The following TMEFF2 variants were observed in gnomAD, a reference collection of about 807,000 sequenced individuals.
The protein encoded by TMEFF2 is transmembrane protein with EGF like and two follistatin like domains 2.
A neutral mutation model predicts 53.8 loss-of-function variants in TMEFF2; 28 were observed. The observed-to-expected ratio is 0.52, with a 90% CI of 0.39 to 0.71. The LOEUF (loss-of-function observed/expected upper bound fraction) is 0.71, where lower values mean the gene tolerates loss of function less well. Ranked by LOEUF, TMEFF2 falls within the 30% of genes least tolerant of loss-of-function variation. The pLI is 0.00. For missense variants in TMEFF2, 353 were observed against 455.2 expected (o/e 0.78, Z 2.04); for synonymous variants, 162 against 166.3 (o/e 0.97, Z 0.20).
At chr2:191,952,596 T>G (rs1418784364) in intron 9 of TMEFF2, among the ~76,000 whole-genome samples, 1 of 152,164 alleles carries the variant, frequency 6.6e-6, no homozygotes, top group Non-Finnish European at 1.5e-5. Flanking sequence ...TCAACTCGGC[T>G]TAGAGCAGCC....
chr2:191,986,861 A>C (rs1685989434), intron 7 of TMEFF2, among the ~76,000 whole-genome samples: 1 of 147,966 alleles, frequency 6.8e-6, no homozygotes, highest in Non-Finnish European at 1.5e-5. Context: ...CCGTCTCAGA[A>C]AAAAAAAAAA....
intron 5 of TMEFF2, among the ~76,000 whole-genome samples, chr2:191,999,631 G>C (rs1247345062): frequency 6.6e-6 from 1 of 151,990 alleles, no homozygotes; most frequent in African/African-American, 2.4e-5. Flanking sequence ...AACTGACTCA[G>C]AGGACAGTTC....
intron 4 of TMEFF2, among the ~76,000 whole-genome samples, chr2:192,168,033 A>T (rs1690813765): frequency 6.6e-6 from 1 of 152,110 alleles, no homozygotes; most frequent in Admixed American, 6.6e-5. Flanking sequence ...CTTTACTTTC[A>T]GTCTGCTGAC....
chr2:192,070,598 T>A (rs1688272672), intron 4 of TMEFF2, among the ~76,000 whole-genome samples: 1 of 151,924 alleles, frequency 6.6e-6, no homozygotes, highest in African/African-American at 2.4e-5. Context: ...CCTCTTGGCA[T>A]GTTTCTTATG....
In TMEFF2 at chr2:192,006,060, C is replaced by CTTTTT. The variant is rs56336479; in HGVS notation, c.537-6857_537-6853dup. On this transcript the variant is annotated intron_variant, in intron 5 of 9. Transcript: ENST00000272771. ...ATGTCATTACTCAGGTCTCAGGTGA[C>CTTTTT]TTTTTTTTTTTTTTTTAACTTATAG... Among the ~76,000 whole-genome samples, 33 of 140,056 alleles carry CTTTTT rather than the reference C, an allele frequency of 2.4e-4. 2 individuals are homozygous for CTTTTT. The South Asian group carries it at 6.6e-3, about 28-fold the overall frequency. The allele number at this position is 140,056 out of a possible 152,430, so 91.9% of individuals were successfully genotyped here.
At chr2:192,000,209 A>T (rs1353856459) in intron 5 of TMEFF2, among the ~76,000 whole-genome samples, 1 of 152,058 alleles carries the variant, frequency 6.6e-6, no homozygotes, top group Non-Finnish European at 1.5e-5. Flanking sequence ...ATTAATATTT[A>T]TGTTGTTTTT....
At chr2:191,996,682 A>G (rs960082081) in intron 7 of TMEFF2, among the ~76,000 whole-genome samples, 3 of 152,080 alleles carry the variant, frequency 2.0e-5, no homozygotes, top group South Asian at 4.1e-4. Flanking sequence ...GCTGTGTACT[A>G]TAAGGAACTA....
At chr2:192,002,830 AAAAAC>A (rs554435358) in intron 5 of TMEFF2, among the ~76,000 whole-genome samples, 7 of 152,292 alleles carry the variant, frequency 4.6e-5, no homozygotes, top group African/African-American at 1.2e-4. Context: ...ACTCTGTTTC[AAAAAC>A]AAAACAAAAC....
At chr2:192,110,736 T>C (rs989353983) in intron 4 of TMEFF2, among the ~76,000 whole-genome samples, 3 of 152,182 alleles carry the variant, frequency 2.0e-5, no homozygotes, top group Non-Finnish European at 2.9e-5. Context: ...GTTTGTTATT[T>C]TGCATTTACA....
intron 4 of TMEFF2, among the ~76,000 whole-genome samples, chr2:192,082,032 C>T (rs922143482): frequency 3.3e-5 from 5 of 152,026 alleles, no homozygotes; most frequent in African/African-American, 1.2e-4. Context: ...GATCTCCTGA[C>T]CTCATGATCC....
rs528149916 is a variant in TMEFF2 at position 192,107,196 on chromosome 2, T to C, written c.440-49421A>G. 9.9e-5 allele frequency among the ~76,000 whole-genome samples: 15 copies of C among 151,954 alleles called. No homozygotes were observed. In the South Asian group the frequency reaches 2.7e-3, roughly 27 times the overall value. ...CTTTTTCAGTTAGAGAATTACATTA[T>C]GATAAAGCATGAATAATATTAATGT... On this transcript the variant is annotated intron_variant, in intron 4 of 9. Transcript: ENST00000272771.
At chr2:192,002,012 GTATT>G (rs149043659) in intron 5 of TMEFF2, among the ~76,000 whole-genome samples, 135 of 149,934 alleles carry the variant, frequency 9.0e-4, no homozygotes, top group African/African-American at 3.2e-3. Flanking sequence ...TCCAATTGGT[GTATT>G]TATTTATTTA....
chr2:192,165,744 TAA>T (rs5837289), intron 4 of TMEFF2, among the ~76,000 whole-genome samples: 50 of 144,514 alleles, frequency 3.5e-4, no homozygotes, highest in South Asian at 6.6e-4. Flanking sequence ...GTCTCCGAGG[TAA>T]AAAAAAAAAA....
intron 4 of TMEFF2, among the ~76,000 whole-genome samples, chr2:192,116,192 G>A (rs1023572071): frequency 3.9e-5 from 6 of 151,918 alleles, no homozygotes; most frequent in African/African-American, 1.4e-4. Context: ...GCAACAATAT[G>A]GATGAACCTT....
chr2:192,112,870 C>T (rs1346348083), intron 4 of TMEFF2, among the ~76,000 whole-genome samples: 1 of 152,120 alleles, frequency 6.6e-6, no homozygotes, highest in Non-Finnish European at 1.5e-5. Flanking sequence ...TTGCTTGGCT[C>T]TCATTCTCTC....
chr2:191,965,655 C>T (rs1481175762), intron 7 of TMEFF2, among the ~76,000 whole-genome samples: 1 of 152,068 alleles, frequency 6.6e-6, no homozygotes, highest in Non-Finnish European at 1.5e-5. Context: ...TTTTGCAATT[C>T]TTCTGCATCT....
chr2:192,129,061 T>G (rs1689747208), intron 4 of TMEFF2, among the ~76,000 whole-genome samples: 1 of 152,162 alleles, frequency 6.6e-6, no homozygotes, highest in African/African-American at 2.4e-5. Flanking sequence ...CCCAGCAATC[T>G]TAACACCCCC....
At position 192,191,994 on chromosome 2, in the gene TMEFF2, A is replaced by T. The variant is rs941667948; in HGVS notation, c.173-5T>A. ...CATTTTCTCTGTCATCATAACCTCA[A>T]ATTCAAAGAGAACACTCCAGTCATT... On this transcript the variant is annotated splice_region_variant and splice_polypyrimidine_tract_variant and intron_variant, in intron 1 of 9. Coordinates refer to ENST00000272771, the MANE Select transcript of TMEFF2 (RefSeq NM_016192.4). The T allele has an allele frequency of 6.3e-7, 1 of 1,589,500 alleles. No homozygotes were observed. The highest frequency in any genetic ancestry group is 1.3e-5 in the African/African-American group (1 of 74,420).
At chr2:191,953,107 C>T (rs926759948) in intron 9 of TMEFF2, among the ~76,000 whole-genome samples, 5 of 152,180 alleles carry the variant, frequency 3.3e-5, no homozygotes, top group East Asian at 1.9e-4. Context: ...CCAAGCCCAA[C>T]GTCAGACATT....
Sources: allele counts gnomAD v4.1 joint callset (sites outside exome capture counted in the v4.1 genomes callset), GRCh38; gene constraint gnomAD v4.1.1; transcripts MANE v1.5; gene names NCBI Gene and HGNC (gene_info 2026-07-23, HGNC 2026-07-21).